Variants in COL25A1 observed in about 807,000 individuals in gnomAD.
COL25A1 encodes collagen type XXV alpha 1 chain.
COL25A1 carries 103 observed loss-of-function variants against 128.4 expected under a neutral mutation model. That is an observed-to-expected ratio of 0.80 (90% confidence interval 0.68 to 0.94). The LOEUF (loss-of-function observed/expected upper bound fraction) is 0.94, where lower values mean the gene tolerates loss of function less well. COL25A1 is among the 40% of genes least tolerant of loss of function. COL25A1 has a pLI of 0.00. For missense variants in COL25A1, 745 were observed against 840.0 expected, an observed-to-expected ratio of 0.89 and a Z score of 1.40; for synonymous variants, 279 against 277.2, an observed-to-expected ratio of 1.01 and a Z score of -0.06.
chr4:109,201,643 A>G (rs547444090), intron 3 of COL25A1, among the ~76,000 whole-genome samples: 37 of 152,276 alleles, frequency 2.4e-4, no homozygotes, highest in African/African-American at 8.9e-4. Flanking sequence ...AACTAATACA[A>G]TAAGACAAGG....
chr4:109,285,771 G>A (rs1723823045), intron 3 of COL25A1, among the ~76,000 whole-genome samples: 1 of 152,200 alleles, frequency 6.6e-6, no homozygotes, highest in Admixed American at 6.5e-5. Context: ...ACATTACTGT[G>A]TTAACTTGAA....
chr4:108,925,857 T>C (rs1235987690), intron 11 of COL25A1, among the ~76,000 whole-genome samples: 12 of 152,102 alleles, frequency 7.9e-5, no homozygotes, highest in Admixed American at 7.9e-4. Flanking sequence ...GCCAAAATCA[T>C]CCAAATTACA....
Position 109,243,749 on chromosome 4 carries a change from T to C in COL25A1, c.367+56834A>G, listed in dbSNP as rs35918730. Among the ~76,000 whole-genome samples, 730 of 152,176 alleles carry C rather than the reference T, an allele frequency of 4.8e-3. 4 individuals are homozygous for C. The highest frequency in any genetic ancestry group is 8.7e-3 in the Non-Finnish European group (592 of 67,960). On this transcript the variant is annotated intron_variant, in intron 3 of 37. Transcript: ENST00000399132. ...TTCTCTGAGAGTGAGATTTTTAATA[T>C]TGGAATGAAATAGCCACTTTGAAGT...
At chr4:108,960,939 G>GAAACCTC (rs74803043) in intron 8 of COL25A1, among the ~76,000 whole-genome samples, 46,078 of 151,786 alleles carry the variant, frequency 0.3, 7,538 homozygotes, top group South Asian at 0.46. Flanking sequence ...GGTATGCAAG[G>GAAACCTC]TAGCACTAAA....
intron 8 of COL25A1, among the ~76,000 whole-genome samples, chr4:108,967,146 C>T (rs1219703399): frequency 2.6e-5 from 4 of 152,068 alleles, no homozygotes; most frequent in African/African-American, 7.2e-5. Context: ...TCTTGGTTTC[C>T]TCATCCATTA....
chr4:108,901,244 G>GA, intron 13 of COL25A1, 72 bp from the exon 14 acceptor site: 1 of 1,007,600 alleles, frequency 9.9e-7, no homozygotes, highest in East Asian at 2.4e-5. Flanking sequence ...CATTAGAGGA[G>GA]ACAGCCATCT....
rs939615043 is a variant in COL25A1 at position 109,012,424 on chromosome 4, G to C, written c.421-2049C>G. Among the ~76,000 whole-genome samples, 7 of 152,262 alleles carry C rather than the reference G, an allele frequency of 4.6e-5. No homozygotes were observed. In the East Asian group the frequency reaches 1.4e-3, roughly 30 times the overall value. On this transcript the variant is annotated intron_variant, in intron 5 of 37. Transcript: ENST00000399132. Reference sequence around the variant, plus strand: ...ACTGCACTGTGGGAGCCCCTGTCTGGGCTGGCCAAGGCCGGAGCTGGCTCC... The same window carrying C: ...ACTGCACTGTGGGAGCCCCTGTCTGCGCTGGCCAAGGCCGGAGCTGGCTCC...
chr4:108,911,802 GT>G lies in COL25A1; in HGVS notation c.780+6369del, dbSNP rs61235488. 6.3e-3 allele frequency among the ~76,000 whole-genome samples: 784 copies of G among 124,370 alleles called. 3 individuals are homozygous for G. Among genetic ancestry groups the G allele is most frequent in the East Asian group, 0.032 (139 of 4,374 alleles). 81.6% of individuals were successfully genotyped at this position (124,370 alleles called of 152,430 possible). On this transcript the variant is annotated intron_variant, in intron 13 of 37. Transcript: ENST00000399132. ...TTCATTAATAAACATTTGCTTCGCT[GT>G]TTTTTTTTTTTTTTTTTGCAACAGC...
chr4:109,054,373 C>G (rs116459986), intron 3 of COL25A1, among the ~76,000 whole-genome samples: 1 of 152,132 alleles, frequency 6.6e-6, no homozygotes, highest in African/African-American at 2.4e-5. Flanking sequence ...ATACTCACTC[C>G]GCCCCATTTG....
rs1312043129 is a variant in COL25A1, at chr4:109,186,529, T to A, written c.367+114054A>T. ...AAAGCATCCCAACACAACTTTTTTT[T>A]AAAGCATCTCGAGAATCTAAGAATG... is the stretch of plus-strand genomic sequence containing the variant. On this transcript the variant is annotated intron_variant, in intron 3 of 37. Coordinates refer to ENST00000399132, the MANE Select transcript of COL25A1 (RefSeq NM_198721.4). Among the ~76,000 whole-genome samples, 7 of 152,188 alleles carry A rather than the reference T, an allele frequency of 4.6e-5. No homozygotes were observed. In the East Asian group the frequency reaches 5.8e-4, roughly 13 times the overall value.
intron 5 of COL25A1, among the ~76,000 whole-genome samples, chr4:109,019,373 C>CCCATATATATATATATATATATATATAT (rs1757506059): frequency 3.1e-5 from 1 of 31,906 alleles, no homozygotes; most frequent in Non-Finnish European, 4.7e-5. Flanking sequence ...CACACACACA[C>CCCATATATATATATATATATATATATAT]ACATATATAT....
intron 3 of COL25A1, among the ~76,000 whole-genome samples, chr4:109,266,550 G>A (rs1781808884): frequency 6.6e-6 from 1 of 152,032 alleles, no homozygotes; most frequent in Non-Finnish European, 1.5e-5. Context: ...GGGGGCTGGG[G>A]AGGATGTACT....
intron 3 of COL25A1, among the ~76,000 whole-genome samples, chr4:109,113,126 A>G (rs1450526804): frequency 6.6e-6 from 1 of 152,162 alleles, no homozygotes; most frequent in Non-Finnish European, 1.5e-5. Context: ...TTTTAGTAGC[A>G]CTGGGGCAAA....
chr4:108,842,649 T>C lies in COL25A1; in HGVS notation c.1630-928A>G, dbSNP rs972704335. Among the ~76,000 whole-genome samples the C allele has an allele frequency of 2.0e-5, 3 of 152,218 alleles. No individual in the cohort carries two copies. The East Asian group carries it at 5.8e-4, about 29-fold the overall frequency. On this transcript the variant is annotated intron_variant, in intron 30 of 37. Transcript: ENST00000399132. ...TTCAATAAGTTTCAGATAAGGATTT[T>C]CAGGAAATGGCTGTTACTTTATCAG...
chr4:109,226,701 CAAAATAA>C (rs1412169966), intron 3 of COL25A1, among the ~76,000 whole-genome samples: 1 of 151,720 alleles, frequency 6.6e-6, no homozygotes, highest in Admixed American at 6.6e-5. Flanking sequence ...TTCTGGGGAA[CAAAATAA>C]TTAAAAAATA....
At chr4:109,074,387 T>C (rs1227677708) in intron 3 of COL25A1, among the ~76,000 whole-genome samples, 1 of 152,176 alleles carries the variant, frequency 6.6e-6, no homozygotes, top group African/African-American at 2.4e-5. Flanking sequence ...AAATAAACAA[T>C]TCTAGTCCCC....
At chr4:108,820,685 T>G (rs2125709286) in intron 35 of COL25A1, among the ~76,000 whole-genome samples, 1 of 150,916 alleles carries the variant, frequency 6.6e-6, no homozygotes, top group East Asian at 2.0e-4. Flanking sequence ...CAATGGTAAA[T>G]GAGTTTCCAG....
chr4:108,883,450 T>C (rs1430537809), intron 19 of COL25A1, among the ~76,000 whole-genome samples: 2 of 152,120 alleles, frequency 1.3e-5, no homozygotes, highest in African/African-American at 4.8e-5. Flanking sequence ...CTAGAATATA[T>C]AAAAAAACTT....
chr4:109,290,245 T>C (rs1056253397), intron 3 of COL25A1, among the ~76,000 whole-genome samples: 1 of 152,086 alleles, frequency 6.6e-6, no homozygotes, highest in Non-Finnish European at 1.5e-5. Flanking sequence ...TTTTTTGCTA[T>C]AAAAATAAAT....
Sources: gnomAD v4.1 joint callset for allele counts (sites outside exome capture counted in the v4.1 genomes callset) on GRCh38, gnomAD v4.1.1 for gene constraint, MANE v1.5 for transcripts, NCBI Gene and HGNC (gene_info 2026-07-23, HGNC 2026-07-21) for gene names.